The following NDUFS4 variants were observed in gnomAD, a reference collection of about 807,000 sequenced individuals.
NDUFS4 encodes NADH dehydrogenase [ubiquinone] iron-sulfur protein 4, mitochondrial.
A neutral mutation model predicts 24.3 loss-of-function variants in NDUFS4; 28 were observed. The observed-to-expected ratio is 1.15, with a 90% CI of 0.85 to 1.58. The LOEUF is 1.58. Ranked by LOEUF, NDUFS4 falls within the 40% of genes most tolerant of loss-of-function variation. NDUFS4 has a pLI of 0.00. For synonymous variants in NDUFS4, 93 were observed against 69.7 expected, an observed-to-expected ratio of 1.34 and a Z score of -1.67; for missense variants, 223 against 207.9, an observed-to-expected ratio of 1.07 and a Z score of -0.45.
At chr5:53,563,791 C>T (rs1178223390) in intron 1 of NDUFS4, among the ~76,000 whole-genome samples, 1 of 152,188 alleles carries the variant, frequency 6.6e-6, no homozygotes, top group Admixed American at 6.5e-5. Context: ...CGGGAGCCAC[C>T]GCGCCCATCC....
chr5:53,598,342 G>A (rs932092993), intron 1 of NDUFS4, among the ~76,000 whole-genome samples: 30 of 152,326 alleles, frequency 2.0e-4, no homozygotes, highest in African/African-American at 7.2e-4. Flanking sequence ...ATCAGTGGAT[G>A]AAGAAAGAAA....
chr5:53,666,409 C>G (rs36046660), intron 4 of NDUFS4, among the ~76,000 whole-genome samples: 1 of 152,064 alleles, frequency 6.6e-6, no homozygotes, highest in Admixed American at 6.6e-5. Flanking sequence ...TCTACCTCCC[C>G]GGGAAAGAAA....
chr5:53,654,326 A>T (rs1326513127), intron 3 of NDUFS4, among the ~76,000 whole-genome samples: 1 of 152,052 alleles, frequency 6.6e-6, no homozygotes. Flanking sequence ...TTTTTAAGTA[A>T]TATGTATTTG....
intron 4 of NDUFS4, among the ~76,000 whole-genome samples, chr5:53,680,135 A>ATT (rs1247557666): frequency 6.6e-6 from 1 of 151,322 alleles, no homozygotes; most frequent in Non-Finnish European, 1.5e-5. Context: ...GCAACTTATT[A>ATT]GCCCTGTGAC....
chr5:53,665,249 C>T (rs187264652), intron 4 of NDUFS4, among the ~76,000 whole-genome samples: 40 of 152,274 alleles, frequency 2.6e-4, no homozygotes, highest in African/African-American at 8.9e-4. Context: ...CTGGGGGGTG[C>T]CTCCCAGTTA....
intron 2 of NDUFS4, among the ~76,000 whole-genome samples, chr5:53,638,561 G>A (rs1751620218): frequency 6.6e-6 from 1 of 151,966 alleles, no homozygotes; most frequent in Non-Finnish European, 1.5e-5. Flanking sequence ...TAGGAGGGTG[G>A]GAGAAGGTAG....
chr5:53,602,750 A>G (rs1464327648), intron 1 of NDUFS4, among the ~76,000 whole-genome samples: 2 of 152,224 alleles, frequency 1.3e-5, no homozygotes, highest in Non-Finnish European at 2.9e-5. Context: ...TTAAGATGCT[A>G]AAATGTCACA....
intron 4 of NDUFS4, among the ~76,000 whole-genome samples, chr5:53,665,552 A>T (rs1752487763): frequency 1.3e-5 from 2 of 152,158 alleles, no homozygotes; most frequent in Non-Finnish European, 2.9e-5. Context: ...AGCCTCGCTG[A>T]TGCCTTGCAG....
chr5:53,672,427 T>G (rs1740305104), intron 4 of NDUFS4, among the ~76,000 whole-genome samples: 1 of 151,726 alleles, frequency 6.6e-6, no homozygotes, highest in Non-Finnish European at 1.5e-5. Context: ...CAAAATTGGG[T>G]TTTGGTGGGG....
At position 53,560,704 on chromosome 5, in the gene NDUFS4, G is replaced by A. The variant is rs1748805603; in HGVS notation, c.42G>A (p.Leu14=). ...VSMSVVLRQT[L]WRRRAVAVAA... ...TGTCAGTGGTACTGAGGCAGACGTT[G>A]TGGCGGAGAAGGGCAGTGGCTGTAG... Residue 14 remains leucine (L), a synonymous_variant, in exon 1 of 5, where the codon TTG becomes TTA. Coordinates refer to ENST00000296684, the MANE Select transcript of NDUFS4 (RefSeq NM_002495.4). 6.2e-7 allele frequency: 1 copy of A among 1,614,124 alleles called. No individual in the cohort carries two copies. Among genetic ancestry groups the A allele is most frequent in the African/African-American group, 1.3e-5 (1 of 74,934 alleles).
intron 1 of NDUFS4, among the ~76,000 whole-genome samples, chr5:53,583,123 C>T (rs930503804): frequency 2.6e-5 from 4 of 152,032 alleles, no homozygotes; most frequent in Non-Finnish European, 5.9e-5. Flanking sequence ...ATGATCCGCC[C>T]GCCTCGGCCT....
At chr5:53,658,418 A>C (rs369970681) in intron 3 of NDUFS4, 133 bp from the exon 4 acceptor site, 5 of 663,394 alleles carry the variant, frequency 7.5e-6, no homozygotes, top group Middle Eastern at 8.1e-4. Flanking sequence ...GTTTTAAAGA[A>C]ATTATTACAA....
intron 4 of NDUFS4, among the ~76,000 whole-genome samples, chr5:53,662,330 C>G (rs1579931297): frequency 6.6e-6 from 1 of 152,282 alleles, no homozygotes; most frequent in Admixed American, 6.5e-5. Context: ...AGCCTTGCAT[C>G]CCAGGGATGA....
intron 2 of NDUFS4, among the ~76,000 whole-genome samples, chr5:53,644,662 G>T (rs891399384): frequency 6.6e-6 from 1 of 152,110 alleles, no homozygotes; most frequent in South Asian, 2.1e-4. Flanking sequence ...AAAATTATGT[G>T]CCAGCTTCAC....
chr5:53,635,895 A>G (rs1454955961), intron 2 of NDUFS4, among the ~76,000 whole-genome samples: 1 of 130,286 alleles, frequency 7.7e-6, no homozygotes, highest in Non-Finnish European at 1.6e-5. Context: ...ATCATAAAAT[A>G]GTTTCTTAGT....
intron 2 of NDUFS4, among the ~76,000 whole-genome samples, chr5:53,641,776 A>C (rs1013756986): frequency 3.6e-4 from 55 of 152,072 alleles, no homozygotes; most frequent in Admixed American, 3.4e-3. Context: ...TCTTGCTTTA[A>C]GTATCTGTGG....
At position 53,683,314 on chromosome 5, in the gene NDUFS4, TAATA is replaced by T; in HGVS notation, c.*97_*100del. The T allele has an allele frequency of 1.1e-6, 1 of 918,614 alleles. No individual in the cohort carries two copies. The highest frequency in any genetic ancestry group is 1.4e-5 in the South Asian group (1 of 73,738). 56.9% of individuals were successfully genotyped at this position (918,614 alleles called of 1,614,324 possible). A position where few individuals can be genotyped will look rare whatever the true frequency, so the allele number is the denominator to read the frequency against. On this transcript the variant is annotated 3_prime_UTR_variant, in exon 5 of 5. Transcript: ENST00000296684. ...ATAATAAATACATCTCTTAATCTCC[TAATA>T]AATTGGACCTTTAAACTACAGATAC... is the stretch of plus-strand genomic sequence containing the variant.
chr5:53,683,247 G>T lies in NDUFS4; in HGVS notation c.*26G>T. ...GTTGGCACTGACTATATCTCTGCTTGACTGTGAATAAAGTCAGCTGTGCAG... is the reference window on the plus strand; with the variant it reads ...GTTGGCACTGACTATATCTCTGCTTTACTGTGAATAAAGTCAGCTGTGCAG... On this transcript the variant is annotated 3_prime_UTR_variant, in exon 5 of 5. Transcript: ENST00000296684. 3 of 1,472,492 alleles carry T rather than the reference G, an allele frequency of 2.0e-6. No homozygotes were observed. The South Asian group carries it at 3.4e-5, about 17-fold the overall frequency. The allele number at this position is 1,472,492 out of a possible 1,614,324, so 91.2% of individuals were successfully genotyped here.
chr5:53,561,168 T>C (rs1748832043), intron 1 of NDUFS4, among the ~76,000 whole-genome samples: 1 of 152,342 alleles, frequency 6.6e-6, no homozygotes, highest in Middle Eastern at 3.4e-3. Context: ...AAGGGTTAAA[T>C]CACTGTATCC....
Sources: gnomAD v4.1 joint callset for allele counts (sites outside exome capture counted in the v4.1 genomes callset) on GRCh38, gnomAD v4.1.1 for gene constraint, MANE v1.5 for transcripts, NCBI Gene and HGNC (gene_info 2026-07-23, HGNC 2026-07-21) for gene names.